PCDHGA3: variants seen among roughly 807,000 people sequenced by gnomAD.
The protein encoded by PCDHGA3 is protocadherin gamma-A3.
Under a neutral mutation model 58.5 loss-of-function variants are expected in PCDHGA3, and 40 were observed. That is an observed-to-expected ratio of 0.68 (90% CI 0.53 to 0.89). PCDHGA3 has a LOEUF of 0.89. PCDHGA3 is among the 40% of genes least tolerant of loss of function. The pLI, the probability that PCDHGA3 is intolerant of heterozygous loss-of-function variation, is 0.00. For missense variants in PCDHGA3, 1,223 were observed against 1,195.9 expected (o/e 1.02, Z -0.33); for synonymous variants, 530 against 525.7 (o/e 1.01, Z -0.11).
intron 1 of PCDHGA3, among the ~76,000 whole-genome samples, chr5:141,452,356 C>G (rs1008914676): frequency 6.6e-6 from 1 of 152,148 alleles, no homozygotes; most frequent in African/African-American, 2.4e-5. Flanking sequence ...ATCCAAAAGC[C>G]TTGCTTCATT....
chr5:141,390,222 G>C (rs758225583), intron 1 of PCDHGA3: 2 of 1,614,022 alleles, frequency 1.2e-6, no homozygotes, highest in Admixed American at 3.3e-5. Context: ...CATACTTTGC[G>C]GTGATTCATC....
chr5:141,383,634 T>G (rs1364470063), intron 1 of PCDHGA3: 1 of 1,613,914 alleles, frequency 6.2e-7, no homozygotes, highest in African/African-American at 1.3e-5. Context: ...TCTCTCTGCC[T>G]CAGTACCAAG....
chr5:141,505,338 G>T, intron 2 of PCDHGA3, 55 bp from the exon 3 acceptor site: 1 of 1,612,254 alleles, frequency 6.2e-7, no homozygotes, highest in South Asian at 1.1e-5. Flanking sequence ...GGACAGGAGG[G>T]GCATGAGCTG....
intron 1 of PCDHGA3, chr5:141,403,657 A>G (rs753978186): frequency 2.5e-6 from 4 of 1,613,924 alleles, no homozygotes; most frequent in East Asian, 2.2e-5. Context: ...TGTTGGATAC[A>G]AATGATAATG....
intron 1 of PCDHGA3, among the ~76,000 whole-genome samples, chr5:141,448,975 T>C (rs888432093): frequency 6.6e-6 from 1 of 151,970 alleles, no homozygotes; most frequent in African/African-American, 2.4e-5. Flanking sequence ...AAAAAAGAAC[T>C]TCCATATTAA....
chr5:141,458,933 A>G (rs920768063), intron 1 of PCDHGA3, among the ~76,000 whole-genome samples: 3 of 151,912 alleles, frequency 2.0e-5, no homozygotes, highest in Admixed American at 6.6e-5. Flanking sequence ...GGGTCTCACT[A>G]TGTTGCTTAG....
At chr5:141,415,793 T>C in intron 1 of PCDHGA3, 1 of 1,373,160 alleles carries the variant, frequency 7.3e-7, no homozygotes, top group Non-Finnish European at 9.4e-7. Context: ...AAAATTCACC[T>C]AGTCTCAATC....
intron 2 of PCDHGA3, among the ~76,000 whole-genome samples, chr5:141,500,292 T>A (rs1001226545): frequency 2.0e-5 from 3 of 151,954 alleles, no homozygotes; most frequent in Non-Finnish European, 4.4e-5. Context: ...CACTGCAAGC[T>A]CCGCCTCCCA....
intron 1 of PCDHGA3, among the ~76,000 whole-genome samples, chr5:141,347,355 A>G (rs1475319238): frequency 1.3e-5 from 2 of 151,746 alleles, no homozygotes; most frequent in East Asian, 1.9e-4. Context: ...GGCAATTGCT[A>G]TGTTTCCCAG....
chr5:141,346,004 T>G lies in PCDHGA3; in HGVS notation c.1971T>G (p.Thr657=). 1.9e-6 allele frequency: 3 copies of G among 1,613,406 alleles called. No homozygotes were observed. Among genetic ancestry groups the G allele is most frequent in the Middle Eastern group, 3.5e-4 (2 of 5,790 alleles). Residue 657 remains threonine, a synonymous_variant, in exon 1 of 4, where the codon ACT becomes ACG. Transcript: ENST00000253812. ...QDHGQPPLSA[T]VTLTVAVADR... ...ACGGCCAGCCCCCTCTCTCCGCCAC[T>G]GTCACGCTCACCGTGGCCGTGGCCG... is the stretch of plus-strand genomic sequence containing the variant.
chr5:141,496,993 C>G (rs981547671), intron 2 of PCDHGA3, among the ~76,000 whole-genome samples: 1 of 151,910 alleles, frequency 6.6e-6, no homozygotes, highest in South Asian at 2.1e-4. Flanking sequence ...TGAGACCAGC[C>G]TGGCAGCCAA....
intron 1 of PCDHGA3, chr5:141,392,959 C>T (rs2092637209): frequency 6.2e-7 from 1 of 1,613,902 alleles, no homozygotes; most frequent in African/African-American, 1.3e-5. Flanking sequence ...GGTAATATCT[C>T]CAAGGACCTG....
At chr5:141,366,747 T>G in intron 1 of PCDHGA3, 1 of 1,609,550 alleles carries the variant, frequency 6.2e-7, no homozygotes, top group Non-Finnish European at 8.5e-7. Context: ...GAACGGCGAG[T>G]TCAGGTTAGT....
At chr5:141,498,991 AG>A (rs1449718352) in intron 2 of PCDHGA3, among the ~76,000 whole-genome samples, 8 of 144,362 alleles carry the variant, frequency 5.5e-5, no homozygotes, top group Non-Finnish European at 1.0e-4. Context: ...GAAGGAAGGA[AG>A]GAAGGAAGGA....
chr5:141,485,687 C>T lies in PCDHGA3; in HGVS notation c.2425-9120C>T. 1 of 1,614,066 alleles carries T rather than the reference C, an allele frequency of 6.2e-7. No individual in the cohort carries two copies. Among genetic ancestry groups the T allele is most frequent in the Non-Finnish European group, 8.5e-7 (1 of 1,179,966 alleles). ...GAGCAATTCGATTAGCAGCTATAGG[C>T]TGAGCTCCAATGAACACTTTGCACT... On this transcript the variant is annotated intron_variant, in intron 1 of 3. Transcript: ENST00000253812. The surrounding 1 kb of genome is among the most constrained non-coding windows in gnomAD (Gnocchi z 5.7).
rs775898365 is a variant in PCDHGA3 at position 141,476,425 on chromosome 5, T to C, written c.2425-18382T>C. On this transcript the variant is annotated intron_variant, in intron 1 of 3. Transcript: ENST00000253812. This position sits in a 1 kb window ranked among gnomAD's most constrained non-coding sequence, Gnocchi z 7.6. ...AGGAGCTGTGTGGGACACTGCCCTC[T>C]TGCACTGTAACTCTGGAGTTGGTAG... is the stretch of plus-strand genomic sequence containing the variant. The C allele has an allele frequency of 1.2e-6, 2 of 1,614,108 alleles. No homozygotes were observed. Among genetic ancestry groups the C allele is most frequent in the East Asian group, 4.5e-5 (2 of 44,848 alleles).
At position 141,476,873 on chromosome 5, in the gene PCDHGA3, G is replaced by C; in HGVS notation, c.2425-17934G>C. On this transcript the variant is annotated intron_variant, in intron 1 of 3. Coordinates refer to ENST00000253812, the MANE Select transcript of PCDHGA3 (RefSeq NM_018916.4). This position sits in a 1 kb window ranked among gnomAD's most constrained non-coding sequence, Gnocchi z 7.6. ...CAACCAGTCCTTGTACCGGGCGCGC[G>C]TCCTGGAGGATGCACCCTCCGGCAC... 1 of 1,613,936 alleles carries C rather than the reference G, an allele frequency of 6.2e-7. No homozygotes were observed. Among genetic ancestry groups the C allele is most frequent in the South Asian group, 1.1e-5 (1 of 91,088 alleles).
intron 1 of PCDHGA3, among the ~76,000 whole-genome samples, chr5:141,456,584 A>G (rs990911693): frequency 6.6e-6 from 1 of 152,212 alleles, no homozygotes; most frequent in Non-Finnish European, 1.5e-5. Flanking sequence ...TGAGCCTGTC[A>G]ATAATTTTGA....
chr5:141,390,388 G>A, intron 1 of PCDHGA3: 1 of 1,423,474 alleles, frequency 7.0e-7, no homozygotes, highest in African/African-American at 1.4e-5. Flanking sequence ...TAGATGTCAT[G>A]GATCATTTTA....
Sources: gnomAD v4.1 joint callset for allele counts (sites outside exome capture counted in the v4.1 genomes callset) on GRCh38, gnomAD v4.1.1 for gene constraint, Gnocchi (gnomAD v3.1) non-coding constraint, MANE v1.5 for transcripts, NCBI Gene and HGNC (gene_info 2026-07-23, HGNC 2026-07-21) for gene names.